Variants in WDR27 observed in about 807,000 individuals in gnomAD.
WDR27 encodes the protein WD repeat domain 27.
WDR27 carries 100 observed loss-of-function variants against 114.4 expected under a neutral mutation model. The observed-to-expected ratio is 0.87, with a 90% confidence interval of 0.74 to 1.03. The LOEUF (loss-of-function observed/expected upper bound fraction) is 1.03. Among genes scored for constraint, WDR27 ranks in the 50% least tolerant of loss-of-function variants. WDR27 has a pLI of 0.00. For synonymous variants in WDR27, 449 were observed against 423.1 expected, an observed-to-expected ratio of 1.06 and a Z score of -0.75; for missense variants, 1,129 against 1,092.9, an observed-to-expected ratio of 1.03 and a Z score of -0.47.
intron 24 of WDR27, among the ~76,000 whole-genome samples, chr6:169,577,549 C>T (rs563807307): frequency 6.6e-6 from 1 of 152,104 alleles, no homozygotes; most frequent in Admixed American, 6.5e-5. Flanking sequence ...GAGTGAGCAA[C>T]GGGAGACGAA....
At chr6:169,572,225 A>C (rs1373959875) in intron 25 of WDR27, among the ~76,000 whole-genome samples, 194 bp downstream of exon 25, 1 of 152,222 alleles carries the variant, frequency 6.6e-6, no homozygotes, top group Non-Finnish European at 1.5e-5. Context: ...GATGAAGGAT[A>C]TAAACATGCA....
intron 16 of WDR27, among the ~76,000 whole-genome samples, chr6:169,647,474 A>G (rs965472974): frequency 8.5e-5 from 13 of 152,208 alleles, no homozygotes; most frequent in African/African-American, 3.1e-4. Flanking sequence ...AGGAGGGGTC[A>G]GACAAACAGA....
chr6:169,590,861 C>A (rs1805614997), intron 23 of WDR27, among the ~76,000 whole-genome samples: 1 of 152,200 alleles, frequency 6.6e-6, no homozygotes, highest in Non-Finnish European at 1.5e-5. Flanking sequence ...TGTGTCTACG[C>A]TCCATGTTCC....
At chr6:169,543,315 G>C (rs762605086) in intron 25 of WDR27, among the ~76,000 whole-genome samples, 1 of 152,032 alleles carries the variant, frequency 6.6e-6, no homozygotes, top group Non-Finnish European at 1.5e-5. Context: ...ACCAAAGTGA[G>C]TACAAGGAAC....
intron 6 of WDR27, chr6:169,666,281 A>G: frequency 1.5e-6 from 1 of 653,178 alleles, no homozygotes; most frequent in Non-Finnish European, 1.9e-6. Flanking sequence ...TTTTTAAGTC[A>G]TTACAGCACC....
intron 2 of WDR27, among the ~76,000 whole-genome samples, chr6:169,677,677 C>A (rs923054975): frequency 2.0e-5 from 3 of 152,244 alleles, no homozygotes; most frequent in Non-Finnish European, 4.4e-5. Context: ...GCCTCCAAGA[C>A]ATTCCAGATA....
intron 17 of WDR27, among the ~76,000 whole-genome samples, chr6:169,641,191 A>G (rs992818735): frequency 3.3e-5 from 5 of 152,204 alleles, no homozygotes; most frequent in African/African-American, 4.8e-5. Flanking sequence ...GATGAAAACA[A>G]TGGAGATTCC....
intron 19 of WDR27, among the ~76,000 whole-genome samples, chr6:169,635,346 C>T (rs1817429007): frequency 1.3e-5 from 2 of 152,222 alleles, no homozygotes; most frequent in Non-Finnish European, 2.9e-5. Flanking sequence ...GATCTCATCA[C>T]TGCACTCCAG....
In WDR27 at chr6:169,664,194, C is replaced by T; in HGVS notation, c.876G>A (p.Arg292=). ...GCTGGCTGCACAGCCCAGACTTAAC[C>T]CTTCTTGTGGAGAAAGTCTCTGTCT... The part of the protein sequence containing the change: ...RKKTETFSTR[R]VKSGLCSQPE... Residue 292 remains arginine (R), a synonymous_variant, in exon 8 of 26, where the codon AGG becomes AGA. Transcript: ENST00000448612. 1.2e-6 allele frequency: 2 copies of T among 1,608,842 alleles called. No homozygotes were observed. Among genetic ancestry groups the T allele is most frequent in the Non-Finnish European group, 8.5e-7 (1 of 1,177,222 alleles).
At position 169,628,422 on chromosome 6, in the gene WDR27, C is replaced by T. The variant is rs191942455; in HGVS notation, c.2223+4525G>A. The stretch of plus-strand genomic sequence containing the variant: ...CGCCTGCAGGATTTAAAATATGAGT[C>T]GCTCTACCAGCAGGAACACAGCGTG... On this transcript the variant is annotated intron_variant, in intron 21 of 25. Transcript: ENST00000448612. Among the ~76,000 whole-genome samples the T allele has an allele frequency of 1.2e-4, 18 of 152,300 alleles. No individual in the cohort carries two copies. In the East Asian group the frequency reaches 3.3e-3, roughly 28 times the overall value.
chr6:169,498,428 T>G (rs1007169399), intron 25 of WDR27, among the ~76,000 whole-genome samples: 1 of 152,140 alleles, frequency 6.6e-6, no homozygotes, highest in African/African-American at 2.4e-5. Flanking sequence ...TAAAAATGGT[T>G]AGGTTGGCAA....
intron 25 of WDR27, among the ~76,000 whole-genome samples, chr6:169,491,076 A>G (rs544460154): frequency 2.2e-4 from 33 of 152,228 alleles, no homozygotes; most frequent in Non-Finnish European, 3.4e-4. Flanking sequence ...GAACCCAATC[A>G]TTTTCTTAAA....
At chr6:169,552,968 T>G (rs1033035501) in intron 25 of WDR27, among the ~76,000 whole-genome samples, 2 of 111,046 alleles carry the variant, frequency 1.8e-5, no homozygotes, top group Admixed American at 1.7e-4. Context: ...GGGGAGGGCC[T>G]GCCCGGTGTG....
intron 25 of WDR27, among the ~76,000 whole-genome samples, chr6:169,481,878 C>T (rs1788191595): frequency 6.6e-6 from 1 of 152,222 alleles, no homozygotes; most frequent in African/African-American, 2.4e-5. Context: ...AAAACTGTAA[C>T]ACTCACTGTG....
At chr6:169,646,737 GTC>G (rs1820840504) in intron 16 of WDR27, among the ~76,000 whole-genome samples, 1 of 144,372 alleles carries the variant, frequency 6.9e-6, no homozygotes, top group Non-Finnish European at 1.5e-5. Flanking sequence ...AACAGAGTGA[GTC>G]TCTGTCTCAA....
intron 23 of WDR27, among the ~76,000 whole-genome samples, chr6:169,599,161 C>G (rs181099367): frequency 6.7e-6 from 1 of 150,108 alleles, no homozygotes; most frequent in East Asian, 2.0e-4. Flanking sequence ...ACAACAGGCC[C>G]TGGTGTGTGA....
chr6:169,662,981 G>A (rs891009641), intron 8 of WDR27, among the ~76,000 whole-genome samples: 3 of 150,786 alleles, frequency 2.0e-5, no homozygotes, highest in Admixed American at 6.6e-5. Flanking sequence ...CCAGCATGAC[G>A]CGTGTGCACC....
intron 25 of WDR27, among the ~76,000 whole-genome samples, chr6:169,515,787 T>A (rs1402345183): frequency 1.3e-5 from 2 of 149,878 alleles, no homozygotes; most frequent in African/African-American, 4.9e-5. Flanking sequence ...ATAAGTAAAG[T>A]AACAGTAAAA....
rs571036375 is a variant in WDR27, at chr6:169,580,682, T to C, written c.2523+2154A>G. On this transcript the variant is annotated intron_variant, in intron 24 of 25. Transcript: ENST00000448612. The stretch of plus-strand genomic sequence containing the variant: ...CCAACATTGTCCAATCCTGAGAAAA[T>C]TTAAGTGATCAGAAAACATATTTTA... Among the ~76,000 whole-genome samples the C allele has an allele frequency of 8.5e-5, 13 of 152,172 alleles. No individual in the cohort carries two copies. In the East Asian group the frequency reaches 2.3e-3, roughly 27 times the overall value.
Sources: gnomAD v4.1 joint callset for allele counts (sites outside exome capture counted in the v4.1 genomes callset) on GRCh38, gnomAD v4.1.1 for gene constraint, MANE v1.5 for transcripts, NCBI Gene and HGNC (gene_info 2026-07-23, HGNC 2026-07-21) for gene names.